Variants in DPP6 observed in about 807,000 individuals in gnomAD.
DPP6 encodes dipeptidyl peptidase like 6.
In DPP6, 69 loss-of-function variants were observed where a neutral mutation model predicts 122.6. That is an observed-to-expected ratio of 0.56 (90% CI 0.46 to 0.69). The LOEUF (loss-of-function observed/expected upper bound fraction) is 0.69. Ranked by LOEUF, DPP6 falls within the 30% of genes least tolerant of loss-of-function variation. The probability of loss-of-function intolerance (pLI) is 0.00; values close to 1 mark genes in which losing one functional copy is unlikely to be tolerated. For missense variants in DPP6, 928 were observed against 1,116.9 expected (o/e 0.83, Z 2.41); for synonymous variants, 418 against 433.1 (o/e 0.97, Z 0.43).
At chr7:154,675,654 G>A (rs749984859) in intron 7 of DPP6, among the ~76,000 whole-genome samples, 12 of 152,162 alleles carry the variant, frequency 7.9e-5, no homozygotes, top group Non-Finnish European at 1.8e-4. Context: ...GCCTGATCCC[G>A]GATGCAGAAG....
chr7:154,504,126 A>G (rs1825477601), intron 3 of DPP6, among the ~76,000 whole-genome samples: 1 of 152,194 alleles, frequency 6.6e-6, no homozygotes, highest in Non-Finnish European at 1.5e-5. Context: ...CAGCCTTAAT[A>G]GTGTTTAGAG....
chr7:153,763,582 A>C, the DPP6 span, among the ~76,000 whole-genome samples: 1 of 152,138 alleles, frequency 6.6e-6, no homozygotes, highest in Admixed American at 6.5e-5. Context: ...CAGGAGATAT[A>C]CTTTGGGGAG....
intron 1 of DPP6, among the ~76,000 whole-genome samples, chr7:154,205,740 CTT>C (rs1351400743): frequency 6.6e-6 from 1 of 151,018 alleles, no homozygotes; most frequent in Non-Finnish European, 1.5e-5. Flanking sequence ...GGGCAAAGCT[CTT>C]TTTAATTCCA....
rs192956531 is a variant in DPP6 at position 154,092,288 on chromosome 7, A to T, written c.243+39225A>T. ...TTTCTTACAGAGGCACAGGACCGTG[A>T]CCAGAATCAGGACATTCACAGTTGG... On this transcript the variant is annotated intron_variant, in intron 1 of 25. Coordinates refer to ENST00000377770, the MANE Select transcript of DPP6 (RefSeq NM_130797.4). 7.9e-5 allele frequency: 12 copies of T among 152,302 alleles called. No individual in the cohort carries two copies. In the East Asian group the frequency reaches 1.9e-3, roughly 25 times the overall value. 9.4% of individuals were successfully genotyped at this position (152,302 alleles called of 1,614,324 possible).
intron 1 of DPP6, among the ~76,000 whole-genome samples, chr7:154,335,561 G>T (rs1031299586): frequency 6.6e-6 from 1 of 152,144 alleles, no homozygotes; most frequent in African/African-American, 2.4e-5. Flanking sequence ...ATGTTAATAA[G>T]CAATTACCGT....
chr7:154,017,077 G>A (rs3864489), intron 1 of DPP6, among the ~76,000 whole-genome samples: 2 of 152,114 alleles, frequency 1.3e-5, no homozygotes, highest in South Asian at 4.2e-4. Context: ...AACAATATAT[G>A]TTTTTTTTGA....
chr7:154,269,948 C>T (rs1317142624), intron 1 of DPP6, among the ~76,000 whole-genome samples: 1 of 152,100 alleles, frequency 6.6e-6, no homozygotes, highest in Non-Finnish European at 1.5e-5. Context: ...GTGTCAAACC[C>T]TAAATAATGG....
intron 17 of DPP6, among the ~76,000 whole-genome samples, chr7:154,862,087 A>C (rs1396568561): frequency 2.0e-5 from 3 of 152,102 alleles, no homozygotes; most frequent in African/African-American, 7.2e-5. Context: ...GGGGGCTCTT[A>C]CCCATTACTG....
At chr7:154,474,817 C>T (rs1474115315) in intron 2 of DPP6, 122 bp from the exon 3 acceptor site, 5 of 701,418 alleles carry the variant, frequency 7.1e-6, no homozygotes, top group South Asian at 5.4e-5. Context: ...TCCCCATTCA[C>T]TTATGGACGT....
intron 5 of DPP6, among the ~76,000 whole-genome samples, chr7:154,590,198 G>A (rs1228105754): frequency 1.3e-5 from 2 of 152,162 alleles, no homozygotes; most frequent in African/African-American, 2.4e-5. Context: ...TAGCAGGGAT[G>A]GTCACTTGTT....
intron 1 of DPP6, among the ~76,000 whole-genome samples, chr7:154,007,244 A>G (rs1313554735): frequency 6.6e-6 from 1 of 152,266 alleles, no homozygotes; most frequent in Non-Finnish European, 1.5e-5. Flanking sequence ...TGGGCTTCTT[A>G]TAAAAGAATC....
At chr7:153,896,807 C>A (rs762161388) in intron 1 of DPP6, among the ~76,000 whole-genome samples, 5 of 152,018 alleles carry the variant, frequency 3.3e-5, no homozygotes, top group Non-Finnish European at 5.9e-5. Context: ...AGCAAGACCC[C>A]GTTTCTTTAA....
chr7:154,423,029 C>T (rs80223354), intron 1 of DPP6, among the ~76,000 whole-genome samples: 7,282 of 152,204 alleles, frequency 0.048, 542 homozygotes, highest in African/African-American at 0.16. Context: ...TGAAAGTTCA[C>T]ATCCTAAGAG....
At chr7:153,900,221 C>T (rs980874131) in intron 1 of DPP6, among the ~76,000 whole-genome samples, 3 of 139,214 alleles carry the variant, frequency 2.2e-5, no homozygotes, top group Non-Finnish European at 4.5e-5. Context: ...TGGCTCAGTA[C>T]TTTCTCCCAT....
At chr7:154,086,346 G>A (rs904368924) in intron 1 of DPP6, among the ~76,000 whole-genome samples, 41 of 147,320 alleles carry the variant, frequency 2.8e-4, no homozygotes, top group Non-Finnish European at 5.5e-4. Context: ...GAGGCTGCAG[G>A]TGTGTTTTTC....
chr7:153,878,065 C>T, the DPP6 span, among the ~76,000 whole-genome samples: 23 of 152,200 alleles, frequency 1.5e-4, no homozygotes, highest in African/African-American at 3.6e-4. Flanking sequence ...ACCCGTATAC[C>T]GTCATCAGAA....
intron 1 of DPP6, among the ~76,000 whole-genome samples, chr7:154,253,445 A>G (rs189468308): frequency 5.3e-5 from 8 of 152,360 alleles, no homozygotes; most frequent in Admixed American, 5.2e-4. Flanking sequence ...ATAATGCTTG[A>G]TACATACTAC....
At chr7:153,973,632 CGTGTGTGT>C (rs773321136) in intron 1 of DPP6, among the ~76,000 whole-genome samples, 3,891 of 113,484 alleles carry the variant, frequency 0.034, 154 homozygotes, top group African/African-American at 0.095. Flanking sequence ...CACCATCGCT[CGTGTGTGT>C]GTGTGTGTGT....
intron 1 of DPP6, among the ~76,000 whole-genome samples, chr7:154,073,413 C>T (rs1803269308): frequency 6.6e-6 from 1 of 152,372 alleles, no homozygotes; most frequent in East Asian, 1.9e-4. Flanking sequence ...CTCCTTTGCT[C>T]CTCTCCGTGG....
Sources: gnomAD v4.1 joint callset for allele counts (sites outside exome capture counted in the v4.1 genomes callset) on GRCh38, gnomAD v4.1.1 for gene constraint, MANE v1.5 for transcripts, NCBI Gene and HGNC (gene_info 2026-07-23, HGNC 2026-07-21) for gene names.